Variants in COL12A1 observed in about 807,000 individuals in gnomAD.
The protein encoded by COL12A1 is collagen type XII alpha 1 chain.
In COL12A1, 114 loss-of-function variants were observed where a neutral mutation model predicts 349.7. That is an observed-to-expected ratio of 0.33 (90% CI 0.28 to 0.38). The LOEUF (loss-of-function observed/expected upper bound fraction) is 0.38. Ranked by LOEUF, COL12A1 falls within the 10% of genes least tolerant of loss-of-function variation. The pLI, the probability that COL12A1 is intolerant of heterozygous loss-of-function variation, is 1.00. For missense variants in COL12A1, 3,284 were observed against 3,756.9 expected (o/e 0.87, Z 3.29); for synonymous variants, 1,369 against 1,329.0 (o/e 1.03, Z -0.66).
At chr6:75,142,367 G>A (rs925406370) in intron 26 of COL12A1, among the ~76,000 whole-genome samples, 4 of 152,040 alleles carry the variant, frequency 2.6e-5, no homozygotes. Flanking sequence ...AGATCATATG[G>A]CACATGACTC....
intron 11 of COL12A1, among the ~76,000 whole-genome samples, chr6:75,180,495 G>T (rs1038246494): frequency 6.6e-6 from 1 of 151,164 alleles, no homozygotes. Flanking sequence ...TGGTTACAAT[G>T]GTAAATATGT....
intron 31 of COL12A1, 135 bp downstream of exon 31, chr6:75,137,302 G>A: frequency 1.2e-6 from 1 of 802,004 alleles, no homozygotes; most frequent in Non-Finnish European, 1.9e-6. Flanking sequence ...TAAAGAGTCA[G>A]ATTATTCCAT....
intron 22 of COL12A1, 25 bp from the exon 23 acceptor site, chr6:75,147,829 A>C: frequency 6.2e-7 from 1 of 1,610,530 alleles, no homozygotes. Context: ...TAAACAGAGC[A>C]ACAACGTATG....
chr6:75,134,961 G>T (rs1766511805), intron 31 of COL12A1, 106 bp from the exon 32 acceptor site: 1 of 1,233,246 alleles, frequency 8.1e-7, no homozygotes, highest in Non-Finnish European at 1.1e-6. Flanking sequence ...CCCTTGTCAA[G>T]TTCCAGAATT....
intron 11 of COL12A1, 68 bp downstream of exon 11, chr6:75,180,871 A>C: frequency 1.3e-6 from 2 of 1,539,206 alleles, no homozygotes; most frequent in Non-Finnish European, 1.8e-6. Context: ...TGGTTATTAC[A>C]AACTGTAACT....
In COL12A1 at chr6:75,113,642, T is replaced by C. The variant is rs370691983; in HGVS notation, c.7800A>G (p.Thr2600=). ...PSDPFAIWQI[T]DRDYKPQVGV... ...CAACTTGTGGTTTGTAGTCTCTGTC[T>C]GTGATTTGCCAAATTGCAAAAGGGT... is the stretch of plus-strand genomic sequence containing the variant. The change falls in exon 50 of 66, where the codon ACA becomes ACG. Residue 2600 remains threonine, a synonymous_variant. Transcript: ENST00000322507. 3.8e-5 allele frequency: 62 copies of C among 1,610,622 alleles called. 1 individual carries two copies. In the African/African-American group the frequency reaches 5.2e-4, roughly 14 times the overall value.
At chr6:75,122,836 T>C (rs1475252376) in intron 43 of COL12A1, among the ~76,000 whole-genome samples, 1 of 152,216 alleles carries the variant, frequency 6.6e-6, no homozygotes, top group East Asian at 1.9e-4. Flanking sequence ...AATAAATCAG[T>C]ATGTCGTTTC....
intron 7 of COL12A1, among the ~76,000 whole-genome samples, chr6:75,188,801 G>A (rs1299357320): frequency 1.3e-5 from 2 of 152,120 alleles, no homozygotes; most frequent in African/African-American, 4.8e-5. Context: ...CCATACCATC[G>A]TATGTCTTTG....
In COL12A1 at chr6:75,202,880, C is replaced by T. The variant is rs957840760; in HGVS notation, c.-35-53G>A. Reference sequence around the variant, plus strand: ...GAACTGGGTCTGGGCAGGCCTTGAACCAGGTTAGAACTGGAGCCTGGACCT... The same window carrying T: ...GAACTGGGTCTGGGCAGGCCTTGAATCAGGTTAGAACTGGAGCCTGGACCT... On this transcript the variant is annotated intron_variant, in intron 1 of 65. Coordinates refer to ENST00000322507, the MANE Select transcript of COL12A1 (RefSeq NM_004370.6). 3.9e-6 allele frequency: 5 copies of T among 1,291,808 alleles called. No homozygotes were observed. In the African/African-American group the frequency reaches 7.4e-5, roughly 19 times the overall value. The allele number at this position is 1,291,808 out of a possible 1,614,324, so 80.0% of individuals were successfully genotyped here.
intron 46 of COL12A1, 186 bp from the exon 47 acceptor site, chr6:75,117,732 C>A (rs1273332447): frequency 3.0e-5 from 16 of 536,184 alleles, no homozygotes; most frequent in Non-Finnish European, 4.5e-5. Flanking sequence ...ATTTTCTGGT[C>A]TAAAGAATTC....
At chr6:75,110,767 C>T (rs1277295374) in intron 51 of COL12A1, among the ~76,000 whole-genome samples, 1 of 152,032 alleles carries the variant, frequency 6.6e-6, no homozygotes, top group African/African-American at 2.4e-5. Context: ...TTCCCTCTCC[C>T]TGTCACTAAT....
intron 65 of COL12A1, 57 bp downstream of exon 65, chr6:75,087,520 T>C: frequency 6.3e-7 from 1 of 1,578,040 alleles, no homozygotes; most frequent in Non-Finnish European, 8.6e-7. Context: ...GGAACTTCAT[T>C]TCCGTAAAGT....
At position 75,102,005 on chromosome 6, in the gene COL12A1, G is replaced by A. The variant is rs908245329; in HGVS notation, c.8463C>T (p.Gly2821=). 6.2e-7 allele frequency: 1 copy of A among 1,614,098 alleles called. No homozygotes were observed. The highest frequency in any genetic ancestry group is 1.3e-5 in the African/African-American group (1 of 75,044). The part of the protein sequence containing the change: ...KGDAGEPGLP[G]RTGTPGLPGP... ...AACTTAGAGACCAACTCACTGTTCG[G>A]CCTGGAAGTCCTGGCTCTCCAGCAT... is the stretch of plus-strand genomic sequence containing the variant. Residue 2821 remains glycine (G), a synonymous_variant, in exon 57 of 66, where the codon GGC becomes GGT. Transcript: ENST00000322507.
intron 31 of COL12A1, among the ~76,000 whole-genome samples, chr6:75,135,834 C>T (rs111572356): frequency 3.5e-4 from 54 of 152,216 alleles, no homozygotes; most frequent in African/African-American, 1.3e-3. Flanking sequence ...CCAGTATAAG[C>T]CATTTTGATA....
At position 75,132,005 on chromosome 6, in the gene COL12A1, G is replaced by A; in HGVS notation, c.5872C>T (p.Pro1958Ser). The change falls in exon 35 of 66, where the codon CCA becomes TCA. Residue 1958 changes from proline to serine, a missense_variant. Coordinates refer to ENST00000322507, the MANE Select transcript of COL12A1 (RefSeq NM_004370.6). ...ACGCGATATTGCAGCACAGGTCCTG[G>A]AGCAGGGTCCCAGCGAACATCGAGG... ...NSLDVRWDPA[P>S]GPVLQYRVVY... 2 of 1,614,096 alleles carry A rather than the reference G, an allele frequency of 1.2e-6. No homozygotes were observed. The highest frequency in any genetic ancestry group is 1.7e-6 in the Non-Finnish European group (2 of 1,179,980).
chr6:75,130,727 A>G (rs1766258347), intron 36 of COL12A1, 125 bp downstream of exon 36: 1 of 1,234,536 alleles, frequency 8.1e-7, no homozygotes, highest in East Asian at 2.4e-5. Flanking sequence ...TGGAATGTAA[A>G]TGTAGGGGAT....
chr6:75,108,237 A>C (rs1582060954), intron 52 of COL12A1, among the ~76,000 whole-genome samples: 1 of 148,372 alleles, frequency 6.7e-6, no homozygotes. Flanking sequence ...ATGCCACCAC[A>C]CTCAGCTGAT....
Position 75,121,325 on chromosome 6 carries a change from C to T in COL12A1, c.7063G>A (p.Glu2355Lys). ...FIFNTVGGFD[E>K]ISPAGIQVSF... ...ACCTGAATCCCAGCAGGACTGATTT[C>T]ATCAAAGCCTCCCACAGTATTGAAG... The change falls in exon 44 of 66, where the codon GAA becomes AAA. Residue 2355 changes from glutamate (E) to lysine (K), a missense_variant. Physicochemically the swap from Glu to Lys is moderately conservative, Grantham distance 56. Around this residue, in one of 2 missense-constraint regions of COL12A1, gnomAD observed 683 missense variants for 932.1 expected, o/e 0.73. Coordinates refer to ENST00000322507, the MANE Select transcript of COL12A1 (RefSeq NM_004370.6). The T allele has an allele frequency of 1.9e-6, 3 of 1,609,966 alleles. No homozygotes were observed. Among genetic ancestry groups the T allele is most frequent in the Non-Finnish European group, 2.5e-6 (3 of 1,177,140 alleles).
At chr6:75,179,531 C>A (rs576527074) in intron 11 of COL12A1, among the ~76,000 whole-genome samples, 3 of 148,930 alleles carry the variant, frequency 2.0e-5, no homozygotes, top group African/African-American at 5.1e-5. Flanking sequence ...AAGAAATATA[C>A]CTAAACCATG....
Sources: gnomAD v4.1 joint callset for allele counts (sites outside exome capture counted in the v4.1 genomes callset) on GRCh38, gnomAD v4.1.1 for gene constraint, gnomAD v4.1.1 regional missense constraint, MANE v1.5 for transcripts, NCBI Gene and HGNC (gene_info 2026-07-23, HGNC 2026-07-21) for gene names.